Variants in DYRK1A observed in about 807,000 individuals in gnomAD.
DYRK1A encodes dual specificity tyrosine-phosphorylation-regulated kinase 1A.
In DYRK1A, 9 loss-of-function variants were observed where a neutral mutation model predicts 79.7. That is an observed-to-expected ratio of 0.11 (90% CI 0.07 to 0.20). DYRK1A has a LOEUF of 0.20. DYRK1A is among the 10% of genes least tolerant of loss of function. The pLI is 1.00. For synonymous variants in DYRK1A, 349 were observed against 329.7 expected (o/e 1.06, Z -0.63); for missense variants, 622 against 956.0 (o/e 0.65, Z 4.61).
chr21:37,498,583 A>G (rs2148632876), intron 9 of DYRK1A, among the ~76,000 whole-genome samples: 1 of 152,250 alleles, frequency 6.6e-6, no homozygotes, highest in East Asian at 1.9e-4. Context: ...GCCATAATTT[A>G]TATTCACCTG....
chr21:37,405,810 C>T (rs1366983895), intron 1 of DYRK1A, among the ~76,000 whole-genome samples: 1 of 152,142 alleles, frequency 6.6e-6, no homozygotes, highest in Non-Finnish European at 1.5e-5. Context: ...GTGAAGTCCA[C>T]GAGGTAGAGG....
chr21:37,412,833 G>T (rs371701627), intron 1 of DYRK1A, among the ~76,000 whole-genome samples: 9 of 152,168 alleles, frequency 5.9e-5, no homozygotes, highest in African/African-American at 1.9e-4. Context: ...ATGGAGGCAG[G>T]GATGTGGCAC....
rs116317993 is a variant in DYRK1A at position 37,491,984 on chromosome 21, A to G, written c.925-1033A>G. Among the ~76,000 whole-genome samples the G allele has an allele frequency of 2.3e-3, 344 of 152,310 alleles. 1 individual carries two copies. The highest frequency in any genetic ancestry group is 8.1e-3 in the African/African-American group (335 of 41,572). ...ATTAGAATCAGAAGGTGGTAGGGCA[A>G]GTGTGTTTTGGGGAAAGCAACTGCT... On this transcript the variant is annotated intron_variant, in intron 7 of 11. Coordinates refer to ENST00000647188, the MANE Select transcript of DYRK1A (RefSeq NM_001347721.2).
At chr21:37,442,778 A>T (rs2148481710) in intron 2 of DYRK1A, among the ~76,000 whole-genome samples, 1 of 152,206 alleles carries the variant, frequency 6.6e-6, no homozygotes. Context: ...TGTCTTAAAA[A>T]TATTTTCCAT....
In DYRK1A at chr21:37,419,323, T is replaced by C. The variant is rs80109299; in HGVS notation, c.-76-976T>C. On this transcript the variant is annotated intron_variant, in intron 1 of 11. Coordinates refer to ENST00000647188, the MANE Select transcript of DYRK1A (RefSeq NM_001347721.2). ...GATTGGGATGACATCATGTGAAATT[T>C]AGGAATTGGAGGCATTGGGAATTGA... is the stretch of plus-strand genomic sequence containing the variant. 15 of 152,292 alleles carry C rather than the reference T, an allele frequency of 9.8e-5. No homozygotes were observed. In the South Asian group the frequency reaches 3.1e-3, roughly 32 times the overall value. 9.4% of individuals were successfully genotyped at this position (152,292 alleles called of 1,614,324 possible).
At chr21:37,417,529 CTTTTTTT>C (rs3216074) in intron 1 of DYRK1A, among the ~76,000 whole-genome samples, 18 of 44,048 alleles carry the variant, frequency 4.1e-4, no homozygotes, top group African/African-American at 9.2e-4. Context: ...TTTTCTTTTT[CTTTTTTT>C]TTTTTTTTTT....
chr21:37,472,764 G>A lies in DYRK1A; in HGVS notation c.91G>A (p.Ala31Thr), dbSNP rs765791729. 6.2e-7 allele frequency: 1 copy of A among 1,613,052 alleles called. No homozygotes were observed. The highest frequency in any genetic ancestry group is 1.1e-5 in the South Asian group (1 of 90,976). Residue 31 changes from alanine (A) to threonine (T), a missense_variant, in exon 3 of 12, where the codon GCT becomes ACT. Ala to Thr is a moderately conservative substitution (Grantham distance 58). Coordinates refer to ENST00000647188, the MANE Select transcript of DYRK1A (RefSeq NM_001347721.2). ...ATTCCATGCTGCTGGCCTTCAGATG[G>A]CTGGACAGATGCCCCATTCACATCA... ...FSFHAAGLQM[A>T]GQMPHSHQYS...
intron 1 of DYRK1A, among the ~76,000 whole-genome samples, chr21:37,412,552 C>T (rs1003820819): frequency 6.6e-6 from 1 of 152,120 alleles, no homozygotes; most frequent in Non-Finnish European, 1.5e-5. Context: ...TATGACATAA[C>T]CATCAGGCCT....
In DYRK1A at chr21:37,416,511, T is replaced by C. The variant is rs16995078; in HGVS notation, c.-76-3788T>C. Among the ~76,000 whole-genome samples the C allele has an allele frequency of 7.0e-3, 1,072 of 152,134 alleles. 13 individuals carry two copies. Among genetic ancestry groups the C allele is most frequent in the African/African-American group, 0.025 (1,029 of 41,558 alleles). Reference sequence around the variant, plus strand: ...GTGTTAGGCATCAAAACTGTGATACTTCTATTTTCCCTTTGACTCCTTTGG... The same window carrying C: ...GTGTTAGGCATCAAAACTGTGATACCTCTATTTTCCCTTTGACTCCTTTGG... On this transcript the variant is annotated intron_variant, in intron 1 of 11. Coordinates refer to ENST00000647188, the MANE Select transcript of DYRK1A (RefSeq NM_001347721.2).
In DYRK1A at chr21:37,512,376, G is replaced by A; in HGVS notation, c.2110G>A (p.Gly704Ser). 6.2e-7 allele frequency: 1 copy of A among 1,614,214 alleles called. No homozygotes were observed. The highest frequency in any genetic ancestry group is 8.5e-7 in the Non-Finnish European group (1 of 1,180,034). ...CTACTCCAATCCCCGCCAAGAGACT[G>A]GCATAGCTGGACATCCAACATACCA... ...TVYSNPRQET[G>S]IAGHPTYQFS... Residue 704 changes from glycine (G) to serine (S), a missense_variant, in exon 12 of 12, where the codon GGC becomes AGC. Transcript: ENST00000647188.
rs2053293578 is a variant in DYRK1A, at chr21:37,497,091, C to T, written c.1212+833C>T. On this transcript the variant is annotated intron_variant, in intron 9 of 11. Transcript: ENST00000647188. Reference sequence around the variant, plus strand: ...AAGTCACCTTGAGATCATAGTTTTGCATTTTATAACATTTAAGAGTTTATT... The same window carrying T: ...AAGTCACCTTGAGATCATAGTTTTGTATTTTATAACATTTAAGAGTTTATT... 2.0e-5 allele frequency among the ~76,000 whole-genome samples: 3 copies of T among 151,776 alleles called. No individual in the cohort carries two copies. In the South Asian group the frequency reaches 6.2e-4, roughly 32 times the overall value.
chr21:37,396,528 G>GT (rs57982192), intron 1 of DYRK1A, among the ~76,000 whole-genome samples: 41,309 of 145,930 alleles, frequency 0.28, 5,880 homozygotes, highest in South Asian at 0.39. Context: ...AAGTTTTTTT[G>GT]TTTTTTTTTT....
Position 37,375,114 on chromosome 21 carries a change from TAAAG to T in DYRK1A, c.-77+7487_-77+7490del, listed in dbSNP as rs971719290. On this transcript the variant is annotated intron_variant, in intron 1 of 11. Coordinates refer to ENST00000647188, the MANE Select transcript of DYRK1A (RefSeq NM_001347721.2). Reference sequence around the variant, plus strand: ...GATTTTATAGGAATAGTTATCATCTTAAAGTAAGTATGTGGCTTTTAATGTGGGA... The same window carrying T: ...GATTTTATAGGAATAGTTATCATCTTTAAGTATGTGGCTTTTAATGTGGGA... The T allele has an allele frequency of 1.4e-3, 217 of 152,322 alleles. 1 individual carries two copies. Among genetic ancestry groups the T allele is most frequent in the African/African-American group, 4.9e-3 (202 of 41,564 alleles). The allele number at this position is 152,322 out of a possible 1,614,324, so 9.4% of individuals were successfully genotyped here. A position where few individuals can be genotyped will look rare whatever the true frequency, so the allele number is the denominator to read the frequency against.
intron 1 of DYRK1A, among the ~76,000 whole-genome samples, chr21:37,386,918 G>GA (rs2049772136): frequency 6.6e-6 from 1 of 152,312 alleles, no homozygotes; most frequent in Admixed American, 6.5e-5. Flanking sequence ...CTTGGCCTAG[G>GA]AACACGCCCT....
chr21:37,478,187 C>T (rs1329269429), intron 3 of DYRK1A, 21 bp from the exon 4 acceptor site: 1 of 1,613,736 alleles, frequency 6.2e-7, no homozygotes, highest in East Asian at 2.2e-5. Flanking sequence ...TAAGGTGATG[C>T]CTGATATTGT....
At chr21:37,392,215 G>A (rs893878649) in intron 1 of DYRK1A, among the ~76,000 whole-genome samples, 1 of 152,148 alleles carries the variant, frequency 6.6e-6, no homozygotes, top group African/African-American at 2.4e-5. Flanking sequence ...TCCAAGTGAG[G>A]TTGATTTTGG....
intron 1 of DYRK1A, among the ~76,000 whole-genome samples, chr21:37,388,149 G>T (rs78533037): frequency 0.01 from 1,474 of 142,248 alleles, 19 homozygotes; most frequent in African/African-American, 0.036. Flanking sequence ...GAGTGCAGTG[G>T]TCATGGCATA....
chr21:37,489,249 G>T (rs938360571), intron 6 of DYRK1A, among the ~76,000 whole-genome samples: 1 of 152,084 alleles, frequency 6.6e-6, no homozygotes, highest in Non-Finnish European at 1.5e-5. Context: ...CTTGACAGAT[G>T]GGTGTTTTAT....
chr21:37,462,933 G>T (rs911494287), intron 2 of DYRK1A, among the ~76,000 whole-genome samples: 1 of 152,156 alleles, frequency 6.6e-6, no homozygotes, highest in Non-Finnish European at 1.5e-5. Flanking sequence ...ATGAATGAGG[G>T]AGTCTGGTAC....
Sources: allele counts gnomAD v4.1 joint callset (sites outside exome capture counted in the v4.1 genomes callset), GRCh38; gene constraint gnomAD v4.1.1; transcripts MANE v1.5; gene names NCBI Gene and HGNC (gene_info 2026-07-23, HGNC 2026-07-21).